The following USH2A variants were observed in gnomAD, a reference collection of about 807,000 sequenced individuals.
USH2A encodes usherin, also known as Usher syndrome 2A (autosomal recessive, mild).
A neutral mutation model predicts 538.9 loss-of-function variants in USH2A; 443 were observed. The observed-to-expected ratio is 0.82, with a 90% confidence interval of 0.76 to 0.89. The LOEUF (loss-of-function observed/expected upper bound fraction) is 0.89, where lower values mean the gene tolerates loss of function less well. USH2A is among the 40% of genes least tolerant of loss of function. The pLI is 0.00. For missense variants in USH2A, 6,633 were observed against 6,324.8 expected, an observed-to-expected ratio of 1.05 and a Z score of -1.65; for synonymous variants, 2,413 against 2,273.5, an observed-to-expected ratio of 1.06 and a Z score of -1.75.
intron 47 of USH2A, among the ~76,000 whole-genome samples, chr1:215,828,124 C>T (rs1029861045): frequency 6.6e-6 from 1 of 152,014 alleles, no homozygotes; most frequent in Non-Finnish European, 1.5e-5. Context: ...CCTCTTGAAC[C>T]ATACTTAACC....
intron 21 of USH2A, among the ~76,000 whole-genome samples, chr1:216,125,249 A>G (rs904075302): frequency 6.6e-6 from 1 of 151,878 alleles, no homozygotes; most frequent in Non-Finnish European, 1.5e-5. Flanking sequence ...CAAAAAAAAA[A>G]AATCCTCATA....
At chr1:215,776,423 A>G (rs2102757616) in intron 55 of USH2A, among the ~76,000 whole-genome samples, 1 of 152,290 alleles carries the variant, frequency 6.6e-6, no homozygotes, top group Non-Finnish European at 1.5e-5. Flanking sequence ...TATGGATTTC[A>G]CATGATGAGT....
chr1:216,005,957 T>C (rs1479489790), intron 32 of USH2A, among the ~76,000 whole-genome samples: 11 of 152,158 alleles, frequency 7.2e-5, no homozygotes, highest in Non-Finnish European at 8.8e-5. Flanking sequence ...CAATCCATTA[T>C]TTAAAAGAAG....
At chr1:215,807,669 G>A (rs905514331) in intron 49 of USH2A, among the ~76,000 whole-genome samples, 1 of 151,996 alleles carries the variant, frequency 6.6e-6, no homozygotes, top group Non-Finnish European at 1.5e-5. Context: ...GAATTGCTTG[G>A]CCTCATAGGA....
chr1:215,695,750 T>A (rs926137664), intron 61 of USH2A, among the ~76,000 whole-genome samples: 34 of 151,832 alleles, frequency 2.2e-4, no homozygotes, highest in African/African-American at 8.0e-4. Flanking sequence ...TTTTTGTTTG[T>A]TTGTTTGTTT....
rs1356097751 is a variant in USH2A, at chr1:215,758,643, T to C, written c.11341A>G (p.Ile3781Val). ...TPEEIYPPYN[I>V]TVIGPYSIFV... ...ATAGAATAAGGCCCAATTACTGTGA[T>C]ATTATATGGAGGATAGATTTCTTCT... The change falls in exon 58 of 72, where the codon ATC becomes GTC. Residue 3781 changes from isoleucine (I) to valine (V), a missense_variant. By Grantham distance (29) the Ile-to-Val change is conservative (BLOSUM62 3). Coordinates refer to ENST00000307340, the MANE Select transcript of USH2A (RefSeq NM_206933.4). The C allele has an allele frequency of 5.0e-6, 8 of 1,613,730 alleles. No homozygotes were observed. Among genetic ancestry groups the C allele is most frequent in the East Asian group, 2.2e-5 (1 of 44,862 alleles).
chr1:215,855,416 T>G (rs1664137087), intron 44 of USH2A, among the ~76,000 whole-genome samples: 1 of 152,058 alleles, frequency 6.6e-6, no homozygotes, highest in African/African-American at 2.4e-5. Context: ...AAATAAAAAG[T>G]AAAATACTTA....
chr1:215,973,153 A>T (rs1473471303), intron 35 of USH2A, among the ~76,000 whole-genome samples: 1 of 152,094 alleles, frequency 6.6e-6, no homozygotes, highest in Non-Finnish European at 1.5e-5. Flanking sequence ...TACCTATTTG[A>T]CCTGCTTTTT....
At chr1:216,276,973 A>G (rs186427441) in intron 11 of USH2A, among the ~76,000 whole-genome samples, 1 of 152,224 alleles carries the variant, frequency 6.6e-6, no homozygotes, top group East Asian at 1.9e-4. Context: ...AAGGGTCACT[A>G]TGATGTAATG....
Position 215,786,551 on chromosome 1 carries a change from G to T in USH2A, c.10387+119C>A, listed in dbSNP as rs1044289830. Reference sequence around the variant, plus strand: ...TTGTAACTAGCTGGCCTCAAAGTATGATGGAATGTACTGATATCAGTTTAA... The same window carrying T: ...TTGTAACTAGCTGGCCTCAAAGTATTATGGAATGTACTGATATCAGTTTAA... On this transcript the variant is annotated intron_variant, in intron 52 of 71. Coordinates refer to ENST00000307340, the MANE Select transcript of USH2A (RefSeq NM_206933.4). The T allele has an allele frequency of 2.6e-5, 29 of 1,118,154 alleles. No homozygotes were observed. In the Middle Eastern group the frequency reaches 1.4e-3, roughly 53 times the overall value. 69.3% of individuals were successfully genotyped at this position (1,118,154 alleles called of 1,614,324 possible).
In USH2A at chr1:216,145,924, C is replaced by T. The variant is rs375278566; in HGVS notation, c.4627+29328G>A. 8.3e-3 allele frequency among the ~76,000 whole-genome samples: 1,258 copies of T among 152,162 alleles called. 20 individuals are homozygous for T. Among genetic ancestry groups the T allele is most frequent in the African/African-American group, 0.029 (1,216 of 41,494 alleles). ...CTTTACCTACCCAAATCCTATAAAA[C>T]GGCCCCACCCTTATCTCCCTTCGCT... On this transcript the variant is annotated intron_variant, in intron 21 of 71. Coordinates refer to ENST00000307340, the MANE Select transcript of USH2A (RefSeq NM_206933.4).
intron 56 of USH2A, among the ~76,000 whole-genome samples, chr1:215,764,761 T>G (rs1264450900): frequency 6.6e-6 from 1 of 152,180 alleles, no homozygotes; most frequent in Admixed American, 6.6e-5. Flanking sequence ...ATACTTGTTT[T>G]CACTTTACAG....
intron 37 of USH2A, among the ~76,000 whole-genome samples, chr1:215,937,999 A>C (rs1341098638): frequency 6.6e-6 from 1 of 152,128 alleles, no homozygotes; most frequent in Non-Finnish European, 1.5e-5. Context: ...GTAGCACTTC[A>C]TTCTAAGCTT....
intron 32 of USH2A, among the ~76,000 whole-genome samples, chr1:216,005,109 A>AT (rs1368321721): frequency 6.6e-6 from 1 of 151,978 alleles, no homozygotes; most frequent in Non-Finnish European, 1.5e-5. Context: ...CATTCTCCCT[A>AT]TTTTTTTCAT....
chr1:215,660,862 A>G (rs1657417180), intron 64 of USH2A, among the ~76,000 whole-genome samples: 2 of 152,224 alleles, frequency 1.3e-5, no homozygotes, highest in Admixed American at 1.3e-4. Context: ...ATTAACAAGA[A>G]GAAGTCTCAA....
intron 37 of USH2A, among the ~76,000 whole-genome samples, chr1:215,946,770 A>T (rs913455063): frequency 7.9e-5 from 12 of 152,236 alleles, no homozygotes; most frequent in Admixed American, 7.9e-4. Context: ...AATTTAAATT[A>T]AAAATTGATC....
At chr1:215,735,205 G>A (rs536450573) in intron 60 of USH2A, among the ~76,000 whole-genome samples, 2 of 152,224 alleles carry the variant, frequency 1.3e-5, no homozygotes, top group Non-Finnish European at 2.9e-5. Context: ...CAGCTTCACA[G>A]GCACCCTCCT....
rs2036067676 is a variant in USH2A, at chr1:216,247,143, G to T, written c.2251C>A (p.Leu751Ile). Reference protein sequence around the residue: ...DVGCEPCQCNLHGSVNKFCNP... With the variant: ...DVGCEPCQCNIHGSVNKFCNP... ...CAGAATTTGTTCACTGAGCCATGGA[G>T]GTTACACTGGCAGGGCTCACATCCA... Residue 751 changes from leucine to isoleucine, a missense_variant, in exon 13 of 72, where the codon CTC becomes ATC. By Grantham distance (5) the Leu-to-Ile change is conservative (BLOSUM62 2). Coordinates refer to ENST00000307340, the MANE Select transcript of USH2A (RefSeq NM_206933.4). 1 of 1,614,032 alleles carries T rather than the reference G, an allele frequency of 6.2e-7. No homozygotes were observed. Among genetic ancestry groups the T allele is most frequent in the East Asian group, 2.2e-5 (1 of 44,870 alleles).
intron 58 of USH2A, among the ~76,000 whole-genome samples, chr1:215,753,585 C>G (rs1571651586): frequency 6.6e-6 from 1 of 152,014 alleles, no homozygotes; most frequent in Admixed American, 6.6e-5. Flanking sequence ...ACCACATGTT[C>G]TCACTCATAG....
Sources: allele counts gnomAD v4.1 joint callset (sites outside exome capture counted in the v4.1 genomes callset), GRCh38; gene constraint gnomAD v4.1.1; transcripts MANE v1.5; gene names NCBI Gene and HGNC (gene_info 2026-07-23, HGNC 2026-07-21).